SP140: variants seen among roughly 807,000 people sequenced by gnomAD.
The protein encoded by SP140 is SP140 nuclear body protein.
Under a neutral mutation model 125.0 loss-of-function variants are expected in SP140, and 81 were observed. The ratio of observed to expected loss-of-function variants is 0.65; its 90% CI spans 0.54 to 0.78. The LOEUF is 0.78. SP140 is among the 30% of genes least tolerant of loss of function. The pLI is 0.00. For synonymous variants in SP140, 312 were observed against 354.0 expected (o/e 0.88, Z 1.33); for missense variants, 858 against 1,037.0 (o/e 0.83, Z 2.37).
the SP140 span, among the ~76,000 whole-genome samples, chr2:230,186,700 T>C: frequency 3.3e-5 from 5 of 152,222 alleles, no homozygotes; most frequent in Admixed American, 3.3e-4. Flanking sequence ...TATATCACTC[T>C]GTATGCCTTT....
upstream of SP140, among the ~76,000 whole-genome samples, chr2:230,224,938 G>A (rs1481825547): frequency 6.6e-6 from 1 of 152,186 alleles, no homozygotes; most frequent in African/African-American, 2.4e-5. Context: ...ACTTTATGCT[G>A]ATATAGTGTG....
chr2:230,195,126 C>T, the SP140 span, among the ~76,000 whole-genome samples: 1 of 152,004 alleles, frequency 6.6e-6, no homozygotes, highest in Non-Finnish European at 1.5e-5. Context: ...AAAAAACCCA[C>T]ATCTTTTATG....
chr2:230,278,770 T>C (rs1424326449), intron 15 of SP140, among the ~76,000 whole-genome samples: 2 of 152,092 alleles, frequency 1.3e-5, no homozygotes, highest in Non-Finnish European at 2.9e-5. Context: ...TTCTCCATTA[T>C]TTATTCTTGG....
chr2:230,289,757 G>A (rs1210649626), intron 18 of SP140, among the ~76,000 whole-genome samples: 1 of 152,158 alleles, frequency 6.6e-6, no homozygotes, highest in Non-Finnish European at 1.5e-5. Context: ...TTACAGGTGT[G>A]AGCCACCACG....
intron 11 of SP140, among the ~76,000 whole-genome samples, chr2:230,254,908 C>G (rs2050907138): frequency 6.6e-6 from 1 of 152,190 alleles, no homozygotes; most frequent in Non-Finnish European, 1.5e-5. Flanking sequence ...AGCCACACTT[C>G]CCCTGTACTA....
At chr2:230,269,448 AGT>A in intron 12 of SP140, 82 bp from the exon 13 acceptor site, 1 of 823,810 alleles carries the variant, frequency 1.2e-6, no homozygotes, top group Non-Finnish European at 2.1e-6. Flanking sequence ...TCAGAATATC[AGT>A]GTGCAGTATA....
chr2:230,288,503 T>TTCTTTCTTTCTG (rs2056717763), intron 18 of SP140, among the ~76,000 whole-genome samples: 1 of 121,456 alleles, frequency 8.2e-6, no homozygotes, highest in Non-Finnish European at 1.8e-5. Context: ...CTTTCTTTCT[T>TTCTTTCTTTCTG]TCTTTCTTTC....
At chr2:230,224,783 C>T (rs1258235776), upstream of SP140, among the ~76,000 whole-genome samples, 1 of 152,212 alleles carries the variant, frequency 6.6e-6, no homozygotes, top group African/African-American at 2.4e-5. Context: ...TCAATCCTCA[C>T]TACTGTTCTG....
At chr2:230,297,399 A>C in intron 21 of SP140, 22 bp from the exon 22 acceptor site, 1 of 1,612,074 alleles carries the variant, frequency 6.2e-7, no homozygotes, top group East Asian at 2.2e-5. Context: ...ATCATAAATC[A>C]ATCTTTCTGT....
At chr2:230,235,369 A>T (rs2047819711) in intron 1 of SP140, among the ~76,000 whole-genome samples, 1 of 152,144 alleles carries the variant, frequency 6.6e-6, no homozygotes, top group Non-Finnish European at 1.5e-5. Flanking sequence ...TTCTCATCTA[A>T]TTCCTTTCTC....
chr2:230,230,027 A>C (rs572149459), intron 1 of SP140, among the ~76,000 whole-genome samples: 1 of 152,106 alleles, frequency 6.6e-6, no homozygotes, highest in Non-Finnish European at 1.5e-5. Flanking sequence ...TTGCCAAACT[A>C]GACTCTTCTT....
At chr2:230,308,349 T>G (rs1385206834) in intron 22 of SP140, among the ~76,000 whole-genome samples, 1 of 152,132 alleles carries the variant, frequency 6.6e-6, no homozygotes, top group Non-Finnish European at 1.5e-5. Flanking sequence ...AAATTATCCA[T>G]GTAACCAAAA....
chr2:230,314,864 G>C (rs1253045037), downstream of SP140, among the ~76,000 whole-genome samples: 1 of 152,208 alleles, frequency 6.6e-6, no homozygotes, highest in Non-Finnish European at 1.5e-5. Flanking sequence ...TAATGCTAGG[G>C]ATGTTTTATA....
chr2:230,200,293 A>G (rs765094849), upstream of SP140, among the ~76,000 whole-genome samples: 4 of 152,200 alleles, frequency 2.6e-5, no homozygotes, highest in Non-Finnish European at 5.9e-5. Flanking sequence ...CTCTAAGGAT[A>G]GTGTTATCAA....
chr2:230,219,761 G>C (rs1368626667), intron 3 of SP140: 2 of 204,454 alleles, frequency 9.8e-6, no homozygotes, highest in South Asian at 3.4e-4. Flanking sequence ...AGCTCTGAGA[G>C]AGCCTCAGAG....
chr2:230,207,991 C>T lies in SP140; in HGVS notation c.-323+4712C>T, dbSNP rs768354078. 7 of 1,509,298 alleles carry T rather than the reference C, an allele frequency of 4.6e-6. No homozygotes were observed. The South Asian group carries it at 6.8e-5, about 15-fold the overall frequency. 93.5% of individuals were successfully genotyped at this position (1,509,298 alleles called of 1,614,324 possible). A position where few individuals can be genotyped will look rare whatever the true frequency, so the allele number is the denominator to read the frequency against. ...GCTTCCTCTTGTACTCTCATCTTAC[C>T]TCCTGGGAGGCTTTTTTTCTTATGT... On this transcript the variant is annotated intron_variant, in intron 1 of 4. Transcript: ENST00000456542.
intron 1 of SP140, chr2:230,212,393 T>A: frequency 6.2e-7 from 1 of 1,613,594 alleles, no homozygotes; most frequent in Non-Finnish European, 8.5e-7. Context: ...CTGAGTCTTC[T>A]TCCGCATTCA....
At chr2:230,258,936 A>T (rs559107154) in intron 12 of SP140, among the ~76,000 whole-genome samples, 1 of 152,086 alleles carries the variant, frequency 6.6e-6, no homozygotes, top group Non-Finnish European at 1.5e-5. Flanking sequence ...GTTAAAGTTG[A>T]TCCAAGTACA....
At chr2:230,236,813 G>T (rs1245353382) in intron 1 of SP140, among the ~76,000 whole-genome samples, 1 of 152,158 alleles carries the variant, frequency 6.6e-6, no homozygotes, top group Non-Finnish European at 1.5e-5. Context: ...AGAGAGTTCA[G>T]GTGAAGGTCT....
Sources: allele counts gnomAD v4.1 joint callset (sites outside exome capture counted in the v4.1 genomes callset), GRCh38; gene constraint gnomAD v4.1.1; transcripts MANE v1.5; gene names NCBI Gene and HGNC (gene_info 2026-07-23, HGNC 2026-07-21).